CCDC40: variants seen among roughly 807,000 people sequenced by gnomAD.
The protein encoded by CCDC40 is coiled-coil domain-containing protein 40.
In CCDC40, 104 loss-of-function variants were observed where a neutral mutation model predicts 124.5. The observed-to-expected ratio is 0.84, with a 90% CI of 0.71 to 0.98. The LOEUF (loss-of-function observed/expected upper bound fraction) is 0.98. Ranked by LOEUF, CCDC40 falls within the 50% of genes least tolerant of loss-of-function variation. The pLI, the probability that CCDC40 is intolerant of heterozygous loss-of-function variation, is 0.00. For synonymous variants in CCDC40, 580 were observed against 602.9 expected (o/e 0.96, Z 0.56); for missense variants, 1,463 against 1,503.9 (o/e 0.97, Z 0.45).
intron 10 of CCDC40, among the ~76,000 whole-genome samples, chr17:80,069,610 A>G (rs7216191): frequency 0.015 from 2,246 of 152,066 alleles, 57 homozygotes; most frequent in African/African-American, 0.052. Context: ...AAACAGCCAG[A>G]CCTGGTGGCG....
At chr17:80,055,843 C>T (rs912028753) in intron 7 of CCDC40, among the ~76,000 whole-genome samples, 5 of 150,514 alleles carry the variant, frequency 3.3e-5, no homozygotes, top group South Asian at 2.1e-4. Context: ...TTCGAGACAG[C>T]GAGACGCATC....
intron 19 of CCDC40, among the ~76,000 whole-genome samples, chr17:80,098,223 G>A (rs1453229731): frequency 6.6e-6 from 1 of 152,212 alleles, no homozygotes; most frequent in East Asian, 1.9e-4. Flanking sequence ...GGGAGGTTAG[G>A]GTATGTAAGA....
chr17:80,087,683 G>A lies in CCDC40; in HGVS notation c.2526G>A (p.Lys842=), dbSNP rs756397983. The A allele has an allele frequency of 3.7e-6, 6 of 1,614,022 alleles. No homozygotes were observed. Among genetic ancestry groups the A allele is most frequent in the Non-Finnish European group, 4.2e-6 (5 of 1,179,846 alleles). ...AGGACCTGGACAACGACCTGAAGAA[G>A]CTCAACATGTTGATGAATAAAAACC... The part of the protein sequence containing the change: ...HMKDLDNDLK[K]LNMLMNKNRC... Residue 842 remains lysine (K), a synonymous_variant, in exon 15 of 20, where the codon AAG becomes AAA. Coordinates refer to ENST00000397545, the MANE Select transcript of CCDC40 (RefSeq NM_017950.4). This position sits in a 1 kb window ranked among gnomAD's most constrained non-coding sequence, Gnocchi z 4.5.
At chr17:80,050,916 G>T (rs1183514055) in intron 7 of CCDC40, among the ~76,000 whole-genome samples, 1 of 152,200 alleles carries the variant, frequency 6.6e-6, no homozygotes, top group Non-Finnish European at 1.5e-5. Context: ...CAATAGATGC[G>T]AATGCGAGGG....
chr17:80,038,764 G>T (rs777484902), intron 2 of CCDC40, among the ~76,000 whole-genome samples: 1 of 152,106 alleles, frequency 6.6e-6, no homozygotes, highest in Non-Finnish European at 1.5e-5. Flanking sequence ...GATGGAGGTT[G>T]CAGTGAGCCG....
Position 80,088,721 on chromosome 17 carries a change from C to T in CCDC40, c.2711+619C>T, listed in dbSNP as rs538582179. On this transcript the variant is annotated intron_variant, in intron 16 of 19. Transcript: ENST00000397545. Reference sequence around the variant, plus strand: ...ACTCGGGAGGCTGAGGTGGGAGGATCGCTTGAGCCCAGGAGGTCAAGGCTG... The same window carrying T: ...ACTCGGGAGGCTGAGGTGGGAGGATTGCTTGAGCCCAGGAGGTCAAGGCTG... 7.2e-5 allele frequency among the ~76,000 whole-genome samples: 11 copies of T among 152,264 alleles called. No individual in the cohort carries two copies. The East Asian group carries it at 1.5e-3, about 21-fold the overall frequency.
intron 9 of CCDC40, among the ~76,000 whole-genome samples, chr17:80,060,906 AC>A (rs2143658203): frequency 6.6e-6 from 1 of 152,368 alleles, no homozygotes; most frequent in East Asian, 1.9e-4. Flanking sequence ...TTTTCCTCAT[AC>A]CAGACACTAA....
intron 1 of CCDC40, among the ~76,000 whole-genome samples, chr17:80,037,688 A>AATATATATAT: frequency 2.6e-4 from 12 of 45,710 alleles, no homozygotes; most frequent in Non-Finnish European, 5.4e-4. Context: ...TTTTTTAAAA[A>AATATATATAT]AGATATACAT....
chr17:80,061,719 G>A (rs939147386), intron 9 of CCDC40, among the ~76,000 whole-genome samples: 1 of 152,172 alleles, frequency 6.6e-6, no homozygotes, highest in Non-Finnish European at 1.5e-5. Context: ...GTAACCAAAG[G>A]ACAGGGAGTC....
chr17:80,057,347 C>T (rs1230148478), intron 7 of CCDC40, among the ~76,000 whole-genome samples: 1 of 151,924 alleles, frequency 6.6e-6, no homozygotes, highest in African/African-American at 2.4e-5. Flanking sequence ...CTCGGCCTCT[C>T]AAAGTGCTGG....
chr17:80,098,989 A>AAG (rs1431669413), intron 19 of CCDC40: 1 of 158,360 alleles, frequency 6.3e-6, no homozygotes, highest in Non-Finnish European at 1.4e-5. Flanking sequence ...AAAAAAAAAA[A>AAG]AAAAAAATGC....
intron 19 of CCDC40, 115 bp downstream of exon 19, chr17:80,097,518 C>G: frequency 4.6e-6 from 5 of 1,076,946 alleles, no homozygotes; most frequent in Non-Finnish European, 6.8e-6. Context: ...GTCACGGCCT[C>G]TCCTGATCCC....
chr17:80,083,236 T>G (rs1598536289), intron 12 of CCDC40, among the ~76,000 whole-genome samples: 4 of 147,054 alleles, frequency 2.7e-5, no homozygotes, highest in East Asian at 2.0e-4. Context: ...AGGCAGGGAG[T>G]CCTTGGGGGG....
intron 1 of CCDC40, among the ~76,000 whole-genome samples, chr17:80,037,700 T>A (rs796934421): frequency 0.16 from 21,394 of 130,428 alleles, 2,498 homozygotes; most frequent in Middle Eastern, 0.24. Flanking sequence ...GATATACATA[T>A]ATATATATAT....
intron 10 of CCDC40, among the ~76,000 whole-genome samples, chr17:80,072,917 T>A (rs2038226397): frequency 6.6e-6 from 1 of 151,714 alleles, no homozygotes; most frequent in African/African-American, 2.4e-5. Flanking sequence ...TGTTTCCGTT[T>A]CTCCCGGGTA....
intron 19 of CCDC40, 89 bp downstream of exon 19, chr17:80,097,492 G>T: frequency 7.1e-7 from 1 of 1,407,750 alleles, no homozygotes; most frequent in Admixed American, 1.9e-5. Flanking sequence ...TGCGAGTCAC[G>T]GCCTCTCCTG....
intron 10 of CCDC40, among the ~76,000 whole-genome samples, chr17:80,069,666 G>T (rs1487114589): frequency 6.6e-6 from 1 of 152,144 alleles, no homozygotes; most frequent in African/African-American, 2.4e-5. Context: ...CAGGAGAATC[G>T]CCTGAACCCG....
chr17:80,067,408 G>A (rs892895525), intron 10 of CCDC40: 16 of 625,890 alleles, frequency 2.6e-5, no homozygotes, highest in Non-Finnish European at 4.0e-5. Context: ...TTGCAAGAAA[G>A]CATATGCGTT....
rs183390305 is a variant in CCDC40, at chr17:80,053,377, G to C, written c.1159+3094G>C. 9.1e-4 allele frequency among the ~76,000 whole-genome samples: 138 copies of C among 152,290 alleles called. 1 individual carries two copies. Among genetic ancestry groups the C allele is most frequent in the Admixed American group, 8.6e-3 (132 of 15,302 alleles). On this transcript the variant is annotated intron_variant, in intron 7 of 19. Transcript: ENST00000397545. ...ATCAGCTGCGCCTTGGAGGAACCAG[G>C]GAGAGCTCAAAACCACCAGGACCTA... is the stretch of plus-strand genomic sequence containing the variant.
Sources: gnomAD v4.1 joint callset for allele counts (sites outside exome capture counted in the v4.1 genomes callset) on GRCh38, gnomAD v4.1.1 for gene constraint, Gnocchi (gnomAD v3.1) non-coding constraint, MANE v1.5 for transcripts, NCBI Gene and HGNC (gene_info 2026-07-23, HGNC 2026-07-21) for gene names.